The following BCAS3 variants were observed in gnomAD, a reference collection of about 807,000 sequenced individuals.
The protein encoded by BCAS3 is BCAS4/BCAS3 fusion.
Under a neutral mutation model 116.1 loss-of-function variants are expected in BCAS3, and 53 were observed. The observed-to-expected ratio is 0.46, with a 90% CI of 0.37 to 0.57. The LOEUF is 0.57. BCAS3 is among the 20% of genes least tolerant of loss of function. The pLI is 0.00. For synonymous variants in BCAS3, 391 were observed against 408.2 expected (o/e 0.96, Z 0.51); for missense variants, 917 against 1,165.4 (o/e 0.79, Z 3.10).
Position 61,073,743 on chromosome 17 carries a change from T to C in BCAS3, c.2030-1177T>C, listed in dbSNP as rs1002455043. Among the ~76,000 whole-genome samples, 15 of 152,186 alleles carry C rather than the reference T, an allele frequency of 9.9e-5. No individual in the cohort carries two copies. Among genetic ancestry groups the C allele is most frequent in the African/African-American group, 3.4e-4 (14 of 41,456 alleles). On this transcript the variant is annotated intron_variant, in intron 19 of 23. Coordinates refer to ENST00000407086, the MANE Select transcript of BCAS3 (RefSeq NM_017679.5). This position sits in a 1 kb window ranked among gnomAD's most constrained non-coding sequence, Gnocchi z 4.6. ...CTTTAATGATCATCTCTTACTTTCT[T>C]ACTTTTCTTTCTACTTACCTCCCCT...
chr17:61,164,921 T>C (rs1488055283), intron 22 of BCAS3, among the ~76,000 whole-genome samples: 1 of 152,222 alleles, frequency 6.6e-6, no homozygotes, highest in Admixed American at 6.5e-5. Context: ...ATGGTATTCA[T>C]TTCCCGATTG....
intron 22 of BCAS3, among the ~76,000 whole-genome samples, chr17:61,165,594 G>A (rs1223259579): frequency 1.3e-5 from 2 of 152,158 alleles, no homozygotes; most frequent in Non-Finnish European, 2.9e-5. Context: ...GCTGAGGCAG[G>A]AGAATTGCTT....
intron 8 of BCAS3, among the ~76,000 whole-genome samples, chr17:60,871,442 G>A (rs2055092983): frequency 6.6e-6 from 1 of 152,158 alleles, no homozygotes. Flanking sequence ...AGAGGCATGA[G>A]CCACTGTGCC....
At chr17:61,022,912 C>G (rs544869365) in intron 16 of BCAS3, among the ~76,000 whole-genome samples, 1 of 152,284 alleles carries the variant, frequency 6.6e-6, no homozygotes, top group South Asian at 2.1e-4. Context: ...GAATTATAGG[C>G]ATGAGCCACC....
intron 22 of BCAS3, among the ~76,000 whole-genome samples, chr17:61,232,931 G>A (rs971206096): frequency 6.6e-6 from 1 of 152,054 alleles, no homozygotes; most frequent in African/African-American, 2.4e-5. Context: ...TATGTTGCCG[G>A]CATCAGTTGG....
At position 61,323,599 on chromosome 17, in the gene BCAS3, G is replaced by T. The variant is rs1234102052; in HGVS notation, c.2426-44728G>T. Among the ~76,000 whole-genome samples, 1 of 152,198 alleles carries T rather than the reference G, an allele frequency of 6.6e-6. No individual in the cohort carries two copies. The highest frequency in any genetic ancestry group is 1.5e-5 in the Non-Finnish European group (1 of 68,026). Reference sequence around the variant, plus strand: ...TAGCTGTTCTCAAAATTATAAACTCGGGAGTGTGGAGGGGGTTGGTGAATT... The same window carrying T: ...TAGCTGTTCTCAAAATTATAAACTCTGGAGTGTGGAGGGGGTTGGTGAATT... On this transcript the variant is annotated intron_variant, in intron 22 of 23. Transcript: ENST00000407086. This position sits in a 1 kb window ranked among gnomAD's most constrained non-coding sequence, Gnocchi z 4.6.
At chr17:60,860,254 G>C (rs1305319847) in intron 7 of BCAS3, among the ~76,000 whole-genome samples, 1 of 152,174 alleles carries the variant, frequency 6.6e-6, no homozygotes, top group Non-Finnish European at 1.5e-5. Context: ...GATTAGTGAT[G>C]TTGAGCATAT....
chr17:60,791,811 A>G (rs937657439), intron 6 of BCAS3, among the ~76,000 whole-genome samples: 28 of 152,244 alleles, frequency 1.8e-4, no homozygotes, highest in African/African-American at 6.7e-4. Flanking sequence ...TTATGTATCC[A>G]TGGATATTTG....
At chr17:60,767,606 C>A (rs1324581454) in intron 6 of BCAS3, among the ~76,000 whole-genome samples, 3 of 152,022 alleles carry the variant, frequency 2.0e-5, no homozygotes. Flanking sequence ...TTCAGCCTCC[C>A]AAAGTGCTGG....
rs1179721617 is a variant in BCAS3, at chr17:60,860,975, C to CT, written c.477-7595dup. Among the ~76,000 whole-genome samples the CT allele has an allele frequency of 2.6e-5, 4 of 152,194 alleles. No homozygotes were observed. The East Asian group carries it at 5.8e-4, about 22-fold the overall frequency. On this transcript the variant is annotated intron_variant, in intron 7 of 23. Coordinates refer to ENST00000407086, the MANE Select transcript of BCAS3 (RefSeq NM_017679.5). ...TAGGATTGCTTTTACTATTCAGGCT[C>CT]TTTTTTGGTCTCATATGAATTTTAG...
chr17:61,345,598 C>G (rs1735896591), intron 22 of BCAS3, among the ~76,000 whole-genome samples: 1 of 152,154 alleles, frequency 6.6e-6, no homozygotes, highest in Non-Finnish European at 1.5e-5. Flanking sequence ...TTTGACACAG[C>G]ATGTGCGTTT....
At chr17:61,116,983 T>A (rs1170995485) in intron 22 of BCAS3, among the ~76,000 whole-genome samples, 4 of 152,208 alleles carry the variant, frequency 2.6e-5, no homozygotes, top group Non-Finnish European at 5.9e-5. Context: ...CTTTGGAAGT[T>A]TCCTGTTTGA....
intron 6 of BCAS3, among the ~76,000 whole-genome samples, chr17:60,774,118 G>A (rs989577506): frequency 1.3e-5 from 2 of 151,786 alleles, no homozygotes; most frequent in African/African-American, 2.4e-5. Flanking sequence ...ACTTGATGTC[G>A]TTTCACAACT....
At chr17:60,965,226 A>ATTTTT (rs142254431) in intron 14 of BCAS3, among the ~76,000 whole-genome samples, 1 of 131,556 alleles carries the variant, frequency 7.6e-6, no homozygotes, top group Non-Finnish European at 1.6e-5. Context: ...GGTATATTGA[A>ATTTTT]TTTTTTTTTT....
intron 22 of BCAS3, among the ~76,000 whole-genome samples, chr17:61,252,864 G>GTAATCTGT (rs2048469830): frequency 6.8e-6 from 1 of 147,434 alleles, no homozygotes. Context: ...AAGCTGTCCA[G>GTAATCTGT]TAATCTGTTC....
chr17:61,246,668 G>A (rs2047984177), intron 22 of BCAS3, among the ~76,000 whole-genome samples: 1 of 151,848 alleles, frequency 6.6e-6, no homozygotes, highest in Non-Finnish European at 1.5e-5. Context: ...TAGCTCTGTT[G>A]GTTGTCAAGA....
intron 5 of BCAS3, among the ~76,000 whole-genome samples, chr17:60,724,860 C>T (rs561159593): frequency 1.3e-5 from 2 of 149,334 alleles, no homozygotes; most frequent in Admixed American, 1.3e-4. Flanking sequence ...GTTTCATTTC[C>T]TTTTTTGTAG....
rs2143537842 is a variant in BCAS3 at position 61,371,283 on chromosome 17, T to C, written c.2593+2789T>C. 1.3e-5 allele frequency among the ~76,000 whole-genome samples: 2 copies of C among 152,320 alleles called. 1 individual carries two copies. The highest frequency in any genetic ancestry group is 4.1e-4 in the South Asian group (2 of 4,820). ...ACTCCTATTATGGCCAATTTCAACC[T>C]GTCACACAGTGTCAGCTAGCTAACA... On this transcript the variant is annotated intron_variant, in intron 23 of 23. Coordinates refer to ENST00000407086, the MANE Select transcript of BCAS3 (RefSeq NM_017679.5).
intron 6 of BCAS3, among the ~76,000 whole-genome samples, chr17:60,802,970 G>A (rs917041883): frequency 1.3e-5 from 2 of 152,086 alleles, no homozygotes; most frequent in Non-Finnish European, 2.9e-5. Flanking sequence ...TTGTTTGTTT[G>A]TTGGAACCCT....
Sources: gnomAD v4.1 joint callset for allele counts (sites outside exome capture counted in the v4.1 genomes callset) on GRCh38, gnomAD v4.1.1 for gene constraint, Gnocchi (gnomAD v3.1) non-coding constraint, MANE v1.5 for transcripts, NCBI Gene and HGNC (gene_info 2026-07-23, HGNC 2026-07-21) for gene names.